WDR62: variants seen among roughly 807,000 people sequenced by gnomAD.
The protein encoded by WDR62 is WD repeat-containing protein 62.
In WDR62, 112 loss-of-function variants were observed where a neutral mutation model predicts 160.6. The ratio of observed to expected loss-of-function variants is 0.70; its 90% confidence interval spans 0.60 to 0.82. The LOEUF (loss-of-function observed/expected upper bound fraction) is 0.82, where lower values mean the gene tolerates loss of function less well. Among genes scored for constraint, WDR62 ranks in the 40% least tolerant of loss-of-function variants. The pLI is 0.00. For synonymous variants in WDR62, 792 were observed against 815.1 expected, an observed-to-expected ratio of 0.97 and a Z score of 0.48; for missense variants, 1,819 against 1,983.8, an observed-to-expected ratio of 0.92 and a Z score of 1.58.
chr19:36,059,819 A>G (rs778591204), intron 2 of WDR62, 149 bp from the exon 3 acceptor site: 2 of 797,064 alleles, frequency 2.5e-6, no homozygotes, highest in South Asian at 1.4e-5. Context: ...TAGAATTCTC[A>G]GCGTAAACAC....
chr19:36,095,611 T>TG (rs1972909898), intron 20 of WDR62, among the ~76,000 whole-genome samples: 1 of 152,202 alleles, frequency 6.6e-6, no homozygotes, highest in Admixed American at 6.5e-5. Flanking sequence ...CTGGCCAACA[T>TG]GGTGAAACCC....
intron 9 of WDR62, among the ~76,000 whole-genome samples, chr19:36,080,336 G>A (rs1971822453): frequency 6.6e-6 from 1 of 151,056 alleles, no homozygotes. Flanking sequence ...AGATGGTCTC[G>A]ATCTCCTGAC....
At chr19:36,066,166 C>T (rs1261489204) in intron 4 of WDR62, 91 bp from the exon 5 acceptor site, 7 of 1,596,778 alleles carry the variant, frequency 4.4e-6, no homozygotes, top group South Asian at 1.1e-5. Flanking sequence ...CTTTTGGGCA[C>T]ATCCTGTGGC....
At chr19:36,086,648 G>T in intron 12 of WDR62, 39 bp from the exon 13 acceptor site, 1 of 1,576,404 alleles carries the variant, frequency 6.3e-7, no homozygotes. Context: ...GGGCACCCAC[G>T]CAGCCTTCAG....
intron 3 of WDR62, among the ~76,000 whole-genome samples, chr19:36,063,277 T>G (rs926831247): frequency 6.6e-6 from 1 of 150,576 alleles, no homozygotes; most frequent in Non-Finnish European, 1.5e-5. Flanking sequence ...TGAGACGAAG[T>G]CTCACACTGT....
intron 5 of WDR62, 139 bp downstream of exon 5, chr19:36,066,566 C>A (rs991792288): frequency 6.4e-5 from 58 of 910,606 alleles, no homozygotes; most frequent in Non-Finnish European, 9.6e-5. Flanking sequence ...GCACCTGTGA[C>A]ATGCTGATCC....
intron 5 of WDR62, among the ~76,000 whole-genome samples, 200 bp downstream of exon 5, chr19:36,066,627 T>G (rs1221593101): frequency 3.9e-5 from 6 of 152,198 alleles, no homozygotes; most frequent in Non-Finnish European, 5.9e-5. Context: ...TATACATATT[T>G]TTATATTGAC....
chr19:36,064,263 C>T lies in WDR62; in HGVS notation c.333-1695C>T, dbSNP rs115862972. On this transcript the variant is annotated intron_variant, in intron 3 of 31. Coordinates refer to ENST00000401500, the MANE Select transcript of WDR62 (RefSeq NM_001083961.2). ...GCAGCCCAGGGGCTGTGTCTCTGAA[C>T]GCCACATTTTTTTTTTCTGTCTCTC... is the stretch of plus-strand genomic sequence containing the variant. Among the ~76,000 whole-genome samples the T allele has an allele frequency of 2.5e-3, 388 of 152,200 alleles. 2 individuals carry two copies. Among genetic ancestry groups the T allele is most frequent in the African/African-American group, 8.9e-3 (370 of 41,548 alleles).
In WDR62 at chr19:36,066,274, T is replaced by C. The variant is rs1407464754; in HGVS notation, c.408T>C (p.Ala136=). ...IVTGENGHRP[A]VRIWDVEEKN... is the part of the protein sequence containing the mutation. ...TTCCCTAGAATGGGCATAGGCCTGCTGTGCGCATCTGGGATGTGGAGGAGA... is the reference window on the plus strand; with the variant it reads ...TTCCCTAGAATGGGCATAGGCCTGCCGTGCGCATCTGGGATGTGGAGGAGA... The change falls in exon 5 of 32, where the codon GCT becomes GCC. Residue 136 remains alanine (A), a synonymous_variant. Coordinates refer to ENST00000401500, the MANE Select transcript of WDR62 (RefSeq NM_001083961.2). 3 of 1,614,100 alleles carry C rather than the reference T, an allele frequency of 1.9e-6. No homozygotes were observed. The highest frequency in any genetic ancestry group is 2.7e-5 in the African/African-American group (2 of 74,928).
At chr19:36,079,933 A>G (rs1971792211) in intron 9 of WDR62, among the ~76,000 whole-genome samples, 1 of 152,168 alleles carries the variant, frequency 6.6e-6, no homozygotes, top group Admixed American at 6.5e-5. Context: ...GATTAAAAAA[A>G]TTAATGCCGC....
chr19:36,081,947 C>T (rs939431130), intron 10 of WDR62: 19 of 452,258 alleles, frequency 4.2e-5, no homozygotes, highest in South Asian at 2.0e-4. Flanking sequence ...TGAGGCCTCA[C>T]GGGGGTATGG....
At chr19:36,079,432 C>A (rs750147949) in intron 9 of WDR62, among the ~76,000 whole-genome samples, 7 of 152,168 alleles carry the variant, frequency 4.6e-5, no homozygotes, top group Non-Finnish European at 8.8e-5. Context: ...TCCTCTTTAT[C>A]TGTTATGTCT....
chr19:36,056,685 G>A (rs556039536), intron 1 of WDR62, among the ~76,000 whole-genome samples: 59 of 152,320 alleles, frequency 3.9e-4, no homozygotes, highest in South Asian at 2.9e-3. Context: ...AGCAAATTCA[G>A]AGAGGCGTTA....
intron 3 of WDR62, among the ~76,000 whole-genome samples, chr19:36,064,848 G>A (rs753091304): frequency 4.6e-5 from 7 of 152,198 alleles, no homozygotes; most frequent in Non-Finnish European, 8.8e-5. Context: ...CCAAAGTGCT[G>A]GGATTACAGG....
chr19:36,086,342 T>C (rs1246977424), intron 12 of WDR62, among the ~76,000 whole-genome samples: 1 of 151,908 alleles, frequency 6.6e-6, no homozygotes, highest in African/African-American at 2.4e-5. Flanking sequence ...TGGAAGAGGC[T>C]GAGAGGTTGC....
At position 36,103,422 on chromosome 19, in the gene WDR62, A is replaced by G; in HGVS notation, c.3594A>G (p.Thr1198=). Residue 1198 remains threonine (T), a synonymous_variant, in exon 30 of 32, where the codon ACA becomes ACG. Transcript: ENST00000401500. ...LPTDRNLPTP[T]SAPTPGLAQG... is the part of the protein sequence containing the mutation. ...CAGACAGGAATCTCCCAACGCCCAC[A>G]TCTGCACCCACCCCAGGCCTGGCTC... The G allele has an allele frequency of 6.2e-7, 1 of 1,613,864 alleles. No individual in the cohort carries two copies. Among genetic ancestry groups the G allele is most frequent in the Non-Finnish European group, 8.5e-7 (1 of 1,179,946 alleles).
chr19:36,104,792 A>C lies in WDR62; in HGVS notation c.4336A>C (p.Thr1446Pro). 1 of 1,613,642 alleles carries C rather than the reference A, an allele frequency of 6.2e-7. No homozygotes were observed. The highest frequency in any genetic ancestry group is 8.5e-7 in the Non-Finnish European group (1 of 1,180,016). The change falls in exon 32 of 32, where the codon ACC becomes CCC. Residue 1446 changes from threonine to proline, a missense_variant. Thr to Pro is a conservative substitution (Grantham distance 38, BLOSUM62 -1). Transcript: ENST00000401500. The part of the protein sequence containing the change: ...RVLVSSGQVD[T>P]GQQQARTELV... ...GTTGGTCTCCAGTGGCCAGGTGGAC[A>C]CCGGGCAGCAGCAGGCACGGACTGA...
chr19:36,066,059 T>G (rs1599757568), intron 4 of WDR62, 44 bp downstream of exon 4: 1 of 1,606,566 alleles, frequency 6.2e-7, no homozygotes, highest in Admixed American at 1.7e-5. Context: ...GGCTGGGGGG[T>G]CTTGGAAGCC....
intron 9 of WDR62, among the ~76,000 whole-genome samples, chr19:36,078,406 C>A (rs1390617968): frequency 6.6e-6 from 1 of 151,910 alleles, no homozygotes; most frequent in Non-Finnish European, 1.5e-5. Flanking sequence ...CCTCGGCCTC[C>A]CAAAGTGCAG....
Sources: gnomAD v4.1 joint callset for allele counts (sites outside exome capture counted in the v4.1 genomes callset) on GRCh38, gnomAD v4.1.1 for gene constraint, MANE v1.5 for transcripts, NCBI Gene and HGNC (gene_info 2026-07-23, HGNC 2026-07-21) for gene names.